Variants in FHOD3 observed in about 807,000 individuals in gnomAD.
FHOD3 encodes the protein formin homology 2 domain containing 3.
FHOD3 carries 90 observed loss-of-function variants against 173.0 expected under a neutral mutation model. The observed-to-expected ratio is 0.52, with a 90% CI of 0.44 to 0.62. FHOD3 has a LOEUF of 0.62. Ranked by LOEUF, FHOD3 falls within the 20% of genes least tolerant of loss-of-function variation. The pLI, the probability that FHOD3 is intolerant of heterozygous loss-of-function variation, is 0.00. For missense variants in FHOD3, 1,945 were observed against 2,034.7 expected, an observed-to-expected ratio of 0.96 and a Z score of 0.85; for synonymous variants, 828 against 823.0, an observed-to-expected ratio of 1.01 and a Z score of -0.10.
intron 10 of FHOD3, among the ~76,000 whole-genome samples, chr18:36,638,675 C>A (rs900128813): frequency 1.3e-5 from 2 of 152,140 alleles, no homozygotes; most frequent in Non-Finnish European, 2.9e-5. Context: ...CAATTGAATG[C>A]AGTTTCTGAA....
rs902070349 is a variant in FHOD3 at position 36,705,197 on chromosome 18, AAC to A, written c.2237-3892_2237-3891del. Among the ~76,000 whole-genome samples, 3 of 152,016 alleles carry A rather than the reference AAC, an allele frequency of 2.0e-5. No individual in the cohort carries two copies. The East Asian group carries it at 5.8e-4, about 29-fold the overall frequency. ...GAGTAAAGTCCCAGATCCCTCCATC[AAC>A]ACACAGCGCTGGTTGCCCTGGCCCC... On this transcript the variant is annotated intron_variant, in intron 17 of 28. Coordinates refer to ENST00000590592, the MANE Select transcript of FHOD3 (RefSeq NM_001281740.3).
intron 1 of FHOD3, among the ~76,000 whole-genome samples, chr18:36,314,660 G>T (rs2044032595): frequency 6.6e-6 from 1 of 152,198 alleles, no homozygotes; most frequent in Admixed American, 6.5e-5. Context: ...TCCTAAAGTT[G>T]CCAAGGCCTC....
chr18:36,337,737 A>AG (rs1568140584), intron 1 of FHOD3, among the ~76,000 whole-genome samples: 1 of 152,212 alleles, frequency 6.6e-6, no homozygotes, highest in Non-Finnish European at 1.5e-5. Flanking sequence ...AAGTTGTGGC[A>AG]GGGAGTACAG....
At chr18:36,383,575 C>T (rs972742741) in intron 3 of FHOD3, among the ~76,000 whole-genome samples, 2 of 152,186 alleles carry the variant, frequency 1.3e-5, no homozygotes, top group African/African-American at 4.8e-5. Context: ...TGGAAAAGTT[C>T]TGTTTTATTA....
chr18:36,419,112 T>A (rs2049845724), intron 3 of FHOD3, among the ~76,000 whole-genome samples: 1 of 152,014 alleles, frequency 6.6e-6, no homozygotes, highest in Admixed American at 6.6e-5. Flanking sequence ...GCTATAAAGA[T>A]GTTAAATTTT....
intron 14 of FHOD3, among the ~76,000 whole-genome samples, chr18:36,659,741 G>A (rs1390377130): frequency 6.6e-6 from 1 of 152,218 alleles, no homozygotes; most frequent in Non-Finnish European, 1.5e-5. Context: ...TATACAGACA[G>A]GGGTCCATGT....
intron 5 of FHOD3, among the ~76,000 whole-genome samples, chr18:36,557,563 G>A (rs1475224622): frequency 6.6e-6 from 1 of 152,014 alleles, no homozygotes; most frequent in African/African-American, 2.4e-5. Context: ...CATTATTTCA[G>A]TGTTCTTGTC....
intron 19 of FHOD3, among the ~76,000 whole-genome samples, chr18:36,729,067 C>T (rs1466141127): frequency 6.6e-6 from 1 of 152,226 alleles, no homozygotes; most frequent in Non-Finnish European, 1.5e-5. Flanking sequence ...CAAGGGTCAG[C>T]CCTTCCAGAC....
intron 10 of FHOD3, among the ~76,000 whole-genome samples, chr18:36,648,499 G>A (rs1020276256): frequency 2.0e-5 from 3 of 152,178 alleles, no homozygotes; most frequent in African/African-American, 7.2e-5. Flanking sequence ...AAGCAACAAC[G>A]AGAATTTATT....
chr18:36,420,418 A>G (rs2049927042), intron 3 of FHOD3, among the ~76,000 whole-genome samples: 1 of 152,084 alleles, frequency 6.6e-6, no homozygotes, highest in Non-Finnish European at 1.5e-5. Context: ...ACACTGTAGC[A>G]CCCCTTCTGG....
chr18:36,631,591 A>G (rs8084014), intron 10 of FHOD3, among the ~76,000 whole-genome samples: 3,902 of 152,152 alleles, frequency 0.026, 179 homozygotes, highest in African/African-American at 0.09. Flanking sequence ...AAGTGTACAA[A>G]CTCCATTTTT....
At chr18:36,501,001 A>G (rs975200633) in intron 3 of FHOD3, among the ~76,000 whole-genome samples, 1 of 152,190 alleles carries the variant, frequency 6.6e-6, no homozygotes, top group African/African-American at 2.4e-5. Flanking sequence ...AGCACCTCGC[A>G]GCACCATCAC....
intron 25 of FHOD3, among the ~76,000 whole-genome samples, chr18:36,756,837 G>A (rs1453857410): frequency 6.6e-6 from 1 of 152,128 alleles, no homozygotes; most frequent in Non-Finnish European, 1.5e-5. Flanking sequence ...AAGCAGTTCT[G>A]AATTCCAGTG....
intron 7 of FHOD3, among the ~76,000 whole-genome samples, chr18:36,595,547 G>A (rs2030199632): frequency 6.6e-6 from 1 of 152,076 alleles, no homozygotes; most frequent in African/African-American, 2.4e-5. Flanking sequence ...GCCCATGTAT[G>A]CACCTCTTCT....
intron 5 of FHOD3, among the ~76,000 whole-genome samples, chr18:36,552,481 C>T (rs1454392060): frequency 6.6e-6 from 1 of 151,456 alleles, no homozygotes; most frequent in Admixed American, 6.6e-5. Context: ...AATTGAATAC[C>T]CTTTATTTCT....
chr18:36,610,056 C>A (rs1437429037), intron 8 of FHOD3, among the ~76,000 whole-genome samples: 1 of 152,206 alleles, frequency 6.6e-6, no homozygotes, highest in Admixed American at 6.5e-5. Context: ...TCAGTTGACT[C>A]CCAGAAAGGT....
chr18:36,684,492 T>C (rs567053921), intron 15 of FHOD3, among the ~76,000 whole-genome samples: 1 of 151,514 alleles, frequency 6.6e-6, no homozygotes, highest in South Asian at 2.1e-4. Context: ...AAGATGTCTC[T>C]GTAAAAAAAA....
intron 27 of FHOD3, 152 bp from the exon 28 acceptor site, chr18:36,769,113 C>T: frequency 1.1e-6 from 1 of 873,238 alleles, no homozygotes; most frequent in Non-Finnish European, 1.7e-6. Context: ...CAGGTTAGCC[C>T]TCTGGATCTA....
chr18:36,703,085 G>A (rs374507002), intron 17 of FHOD3, among the ~76,000 whole-genome samples: 110 of 152,288 alleles, frequency 7.2e-4, no homozygotes, highest in African/African-American at 2.4e-3. Flanking sequence ...AAAATGTGGT[G>A]ATGCTTCACC....
Sources: gnomAD v4.1 joint callset for allele counts (sites outside exome capture counted in the v4.1 genomes callset) on GRCh38, gnomAD v4.1.1 for gene constraint, MANE v1.5 for transcripts, NCBI Gene and HGNC (gene_info 2026-07-23, HGNC 2026-07-21) for gene names.